Variants in GPR183 observed in about 807,000 individuals in gnomAD.
The protein encoded by GPR183 is G protein-coupled receptor 183, also known as EBV-induced G-protein coupled receptor 2.
GPR183 carries 9 observed loss-of-function variants against 19.7 expected under a neutral mutation model. The observed-to-expected ratio is 0.46, with a 90% confidence interval of 0.28 to 0.80. The LOEUF (loss-of-function observed/expected upper bound fraction) is 0.80. Ranked by LOEUF, GPR183 falls within the 30% of genes least tolerant of loss-of-function variation. The pLI, the probability that GPR183 is intolerant of heterozygous loss-of-function variation, is 0.13. For synonymous variants in GPR183, 160 were observed against 155.1 expected (o/e 1.03, Z -0.24); for missense variants, 368 against 446.7 (o/e 0.82, Z 1.59).
chr13:99,305,227 C>T (rs117346369), intron 1 of GPR183, among the ~76,000 whole-genome samples: 3,390 of 152,292 alleles, frequency 0.022, 69 homozygotes, highest in Non-Finnish European at 0.032. Flanking sequence ...TTTTATTCTT[C>T]TCTTTGGGCT....
intron 1 of GPR183, among the ~76,000 whole-genome samples, chr13:99,299,366 G>A (rs988694964): frequency 3.3e-5 from 5 of 152,140 alleles, no homozygotes; most frequent in Non-Finnish European, 7.3e-5. Context: ...ACATGAAAAT[G>A]CCTGTTTCTT....
At chr13:99,304,566 C>A (rs2044303916) in intron 1 of GPR183, among the ~76,000 whole-genome samples, 1 of 152,156 alleles carries the variant, frequency 6.6e-6, no homozygotes, top group Non-Finnish European at 1.5e-5. Flanking sequence ...CTTTCTTAAT[C>A]CTTAATGAAA....
intron 1 of GPR183, among the ~76,000 whole-genome samples, chr13:99,301,660 G>A (rs917980055): frequency 1.3e-5 from 2 of 151,860 alleles, no homozygotes; most frequent in African/African-American, 2.4e-5. Context: ...AAAATAAAAG[G>A]CCCCCCAAAA....
chr13:99,299,742 G>A (rs144931247), intron 1 of GPR183, among the ~76,000 whole-genome samples: 78 of 152,158 alleles, frequency 5.1e-4, no homozygotes, highest in Middle Eastern at 6.8e-3. Flanking sequence ...TACTAGTTGT[G>A]TACCTTTGCA....
intron 1 of GPR183, among the ~76,000 whole-genome samples, chr13:99,299,458 A>ACG (rs1302637475): frequency 6.7e-6 from 1 of 149,886 alleles, no homozygotes; most frequent in Non-Finnish European, 1.5e-5. Flanking sequence ...ATACACACAC[A>ACG]CACGCACACA....
chr13:99,304,006 G>A (rs1040119068), intron 1 of GPR183, among the ~76,000 whole-genome samples: 7 of 151,984 alleles, frequency 4.6e-5, no homozygotes, highest in African/African-American at 4.8e-5. Context: ...TGCCATTCCC[G>A]CCCTTCTGCC....
chr13:99,295,383 G>A lies in GPR183; in HGVS notation c.763C>T (p.Leu255Phe). The change falls in exon 2 of 2, where the codon CTC becomes TTC. Residue 255 changes from leucine to phenylalanine, a missense_variant. Transcript: ENST00000376414. The surrounding 1 kb of genome is among the most constrained non-coding windows in gnomAD (Gnocchi z 4.1). The part of the protein sequence containing the change: ...TIILIIVVFV[L>F]CFTPYHVAII... ...GCAACATGGTAAGGTGTGAAACAGA[G>A]AACAAACACAACAATAATAAGAATA... The A allele has an allele frequency of 6.2e-7, 1 of 1,614,014 alleles. No homozygotes were observed. Among genetic ancestry groups the A allele is most frequent in the South Asian group, 1.1e-5 (1 of 91,054 alleles).
chr13:99,300,544 C>T (rs914035213), intron 1 of GPR183, among the ~76,000 whole-genome samples: 20 of 152,204 alleles, frequency 1.3e-4, no homozygotes, highest in African/African-American at 4.1e-4. Context: ...TTATAATCTT[C>T]CCTTAGAGAT....
chr13:99,297,848 A>G (rs1270554793), intron 1 of GPR183, among the ~76,000 whole-genome samples: 2 of 152,058 alleles, frequency 1.3e-5, no homozygotes, highest in Non-Finnish European at 2.9e-5. Flanking sequence ...CTTAGAAGAG[A>G]TACAGCTCAA....
chr13:99,297,501 A>C (rs759407022), intron 1 of GPR183, among the ~76,000 whole-genome samples: 1 of 152,114 alleles, frequency 6.6e-6, no homozygotes, highest in South Asian at 2.1e-4. Context: ...ACTTCATTCT[A>C]ACAACCTTAA....
At chr13:99,297,274 A>G (rs188595410) in intron 1 of GPR183, among the ~76,000 whole-genome samples, 39 of 152,308 alleles carry the variant, frequency 2.6e-4, no homozygotes, top group Admixed American at 2.2e-3. Flanking sequence ...ATTATTTTTA[A>G]AAGAAAAATA....
At chr13:99,302,274 G>C (rs2044267521) in intron 1 of GPR183, among the ~76,000 whole-genome samples, 1 of 152,222 alleles carries the variant, frequency 6.6e-6, no homozygotes, top group Admixed American at 6.5e-5. Context: ...TAAGACTGAG[G>C]AAAAATTTCT....
Position 99,295,373 on chromosome 13 carries a change from G to A in GPR183, c.773C>T (p.Thr258Ile). The change falls in exon 2 of 2, where the codon ACA becomes ATA. Residue 258 changes from threonine (T) to isoleucine (I), a missense_variant. Thr to Ile is a moderately conservative substitution (Grantham distance 89). Transcript: ENST00000376414. This position sits in a 1 kb window ranked among gnomAD's most constrained non-coding sequence, Gnocchi z 4.1. ...TTGAATAATTGCAACATGGTAAGGTGTGAAACAGAGAACAAACACAACAAT... is the reference window on the plus strand; with the variant it reads ...TTGAATAATTGCAACATGGTAAGGTATGAAACAGAGAACAAACACAACAAT... ...LIIVVFVLCFTPYHVAIIQHM... is the reference protein window; with the variant it reads ...LIIVVFVLCFIPYHVAIIQHM... 6.2e-7 allele frequency: 1 copy of A among 1,614,062 alleles called. No homozygotes were observed. The highest frequency in any genetic ancestry group is 8.5e-7 in the Non-Finnish European group (1 of 1,179,954).
At chr13:99,302,737 C>G (rs1217469659) in intron 1 of GPR183, among the ~76,000 whole-genome samples, 1 of 152,192 alleles carries the variant, frequency 6.6e-6, no homozygotes, top group Non-Finnish European at 1.5e-5. Flanking sequence ...GAGCTGTGAC[C>G]AGCATAGTCA....
chr13:99,301,059 T>C (rs2044250511), intron 1 of GPR183, among the ~76,000 whole-genome samples: 1 of 152,206 alleles, frequency 6.6e-6, no homozygotes, highest in South Asian at 2.1e-4. Flanking sequence ...CCCAAAGAAA[T>C]GTTAGTTCTA....
intron 1 of GPR183, among the ~76,000 whole-genome samples, chr13:99,302,508 G>C (rs2044270587): frequency 6.6e-6 from 1 of 152,194 alleles, no homozygotes; most frequent in South Asian, 2.1e-4. Context: ...ATAAGTATTT[G>C]TCAATTATTT....
chr13:99,295,969 G>A lies in GPR183; in HGVS notation c.177C>T (p.Asn59=). 1 of 1,614,012 alleles carries A rather than the reference G, an allele frequency of 6.2e-7. No homozygotes were observed. Among genetic ancestry groups the A allele is most frequent in the Non-Finnish European group, 8.5e-7 (1 of 1,179,948 alleles). ...GGGTGGTAGAGTTGATTTTTTTCCT[G>A]TTTTGAACAATGACGACCAAGGCTA... The part of the protein sequence containing the change: ...NLLALVVIVQ[N]RKKINSTTLY... Residue 59 remains asparagine (N), a synonymous_variant, in exon 2 of 2, where the codon AAC becomes AAT. Coordinates refer to ENST00000376414, the MANE Select transcript of GPR183 (RefSeq NM_004951.5). The surrounding 1 kb of genome is among the most constrained non-coding windows in gnomAD (Gnocchi z 4.1).
intron 1 of GPR183, among the ~76,000 whole-genome samples, chr13:99,299,147 C>T (rs1211395310): frequency 6.6e-6 from 1 of 152,104 alleles, no homozygotes; most frequent in Non-Finnish European, 1.5e-5. Flanking sequence ...TATACAAATG[C>T]GTGTCTGACT....
At chr13:99,301,518 G>GT (rs1269267427) in intron 1 of GPR183, among the ~76,000 whole-genome samples, 2 of 152,020 alleles carry the variant, frequency 1.3e-5, no homozygotes, top group Non-Finnish European at 2.9e-5. Context: ...GAGCCTGTGT[G>GT]TTTTTTTCTC....
Sources: allele counts gnomAD v4.1 joint callset (sites outside exome capture counted in the v4.1 genomes callset), GRCh38; gene constraint gnomAD v4.1.1; non-coding constraint Gnocchi (gnomAD v3.1); transcripts MANE v1.5; gene names NCBI Gene and HGNC (gene_info 2026-07-23, HGNC 2026-07-21).